KAZN: variants seen among roughly 807,000 people sequenced by gnomAD.
KAZN encodes kazrin.
KAZN carries 40 observed loss-of-function variants against 87.4 expected under a neutral mutation model. That is an observed-to-expected ratio of 0.46 (90% CI 0.36 to 0.60). The LOEUF (loss-of-function observed/expected upper bound fraction) is 0.60, where lower values mean the gene tolerates loss of function less well. KAZN is among the 20% of genes least tolerant of loss of function. The pLI, the probability that KAZN is intolerant of heterozygous loss-of-function variation, is 0.00. For missense variants in KAZN, 898 were observed against 1,073.9 expected (o/e 0.84, Z 2.29); for synonymous variants, 466 against 458.3 (o/e 1.02, Z -0.22).
chr1:15,021,385 G>A lies in KAZN; in HGVS notation c.419-13364G>A, dbSNP rs1452713509. 2.0e-5 allele frequency among the ~76,000 whole-genome samples: 3 copies of A among 152,100 alleles called. No individual in the cohort carries two copies. Among genetic ancestry groups the A allele is most frequent in the Non-Finnish European group, 2.9e-5 (2 of 68,002 alleles). ...TCAACCTAGGGAATGTCCGTGTTCC[G>A]GGCCCATTCCCTGCCACTATTTTTA... is the stretch of plus-strand genomic sequence containing the variant. On this transcript the variant is annotated intron_variant, in intron 2 of 14. Transcript: ENST00000376030. This position sits in a 1 kb window ranked among gnomAD's most constrained non-coding sequence, Gnocchi z 4.2.
chr1:13,967,321 A>C (rs1314523926), intron 1 of KAZN, among the ~76,000 whole-genome samples: 1 of 152,156 alleles, frequency 6.6e-6, no homozygotes, highest in Non-Finnish European at 1.5e-5. Flanking sequence ...CCTGCAAGGA[A>C]TGCAAGTCTT....
intron 1 of KAZN, among the ~76,000 whole-genome samples, chr1:14,713,943 G>A (rs1486662434): frequency 3.3e-5 from 5 of 152,020 alleles, no homozygotes; most frequent in East Asian, 1.9e-4. Flanking sequence ...GCAACAGAGC[G>A]AGATCCTGTC....
intron 2 of KAZN, among the ~76,000 whole-genome samples, chr1:14,306,818 C>T (rs1480074673): frequency 2.0e-5 from 3 of 152,190 alleles, no homozygotes; most frequent in Non-Finnish European, 4.4e-5. Flanking sequence ...AGTTCCTGGG[C>T]TCTACCTACA....
At chr1:14,066,389 C>T (rs1356621029) in intron 1 of KAZN, among the ~76,000 whole-genome samples, 3 of 152,164 alleles carry the variant, frequency 2.0e-5, no homozygotes. Flanking sequence ...TTTGAGAAAT[C>T]TCCACACCAT....
At position 14,151,252 on chromosome 1, in the gene KAZN, G is replaced by C. The variant is rs192737659; in HGVS notation, c.92-29183G>C. Among the ~76,000 whole-genome samples, 10 of 152,138 alleles carry C rather than the reference G, an allele frequency of 6.6e-5. No individual in the cohort carries two copies. In the East Asian group the frequency reaches 1.9e-3, roughly 29 times the overall value. On this transcript the variant is annotated intron_variant, in intron 1 of 16. Transcript: ENST00000636203. ...GTGACCAATGTAACATAATTTTGAT[G>C]GTCTCAACTGTACTGTTAAAAAGAC...
intron 2 of KAZN, among the ~76,000 whole-genome samples, chr1:14,452,174 A>G (rs932087076): frequency 2.0e-5 from 3 of 152,224 alleles, no homozygotes; most frequent in African/African-American, 7.2e-5. Context: ...TCCTGACCTC[A>G]GGTGATCTGC....
chr1:15,043,513 A>G (rs1156408562), intron 3 of KAZN, among the ~76,000 whole-genome samples: 1 of 152,014 alleles, frequency 6.6e-6, no homozygotes, highest in Non-Finnish European at 1.5e-5. Flanking sequence ...ATGAGTGTCT[A>G]CTGGGTTCGT....
chr1:14,628,548 C>T (rs1362869802), intron 1 of KAZN, among the ~76,000 whole-genome samples: 1 of 152,168 alleles, frequency 6.6e-6, no homozygotes, highest in Non-Finnish European at 1.5e-5. Context: ...TTTATTGTCC[C>T]AAGTAAAAGC....
At chr1:13,935,053 A>C (rs1640668856) in intron 1 of KAZN, among the ~76,000 whole-genome samples, 1 of 152,016 alleles carries the variant, frequency 6.6e-6, no homozygotes. Flanking sequence ...CCTGGTCAAC[A>C]TGGTGAAACC....
At chr1:14,801,258 C>T (rs896733874) in intron 1 of KAZN, among the ~76,000 whole-genome samples, 7 of 152,074 alleles carry the variant, frequency 4.6e-5, no homozygotes, top group African/African-American at 1.7e-4. Flanking sequence ...TCAGCAAGCT[C>T]CTCGGGGAAA....
chr1:13,954,185 C>T (rs1400385508), intron 1 of KAZN, among the ~76,000 whole-genome samples: 1 of 152,194 alleles, frequency 6.6e-6, no homozygotes, highest in Non-Finnish European at 1.5e-5. Flanking sequence ...GCCTGGGCAA[C>T]AGAATGAGAC....
At chr1:14,730,345 G>T (rs1421246535) in intron 1 of KAZN, among the ~76,000 whole-genome samples, 1 of 152,180 alleles carries the variant, frequency 6.6e-6, no homozygotes, top group Non-Finnish European at 1.5e-5. Context: ...GCTTCCCAAA[G>T]TGCTGGGATT....
intron 1 of KAZN, among the ~76,000 whole-genome samples, chr1:14,611,744 A>ATAT (rs1677837460): frequency 6.6e-6 from 1 of 152,048 alleles, no homozygotes; most frequent in South Asian, 2.1e-4. Flanking sequence ...ATAGTTATTC[A>ATAT]TATAGGCATA....
intron 1 of KAZN, among the ~76,000 whole-genome samples, chr1:14,782,525 G>A (rs1333137637): frequency 7.4e-6 from 1 of 135,680 alleles, no homozygotes; most frequent in African/African-American, 2.9e-5. Context: ...TCCAGTCTGG[G>A]CAACAGGGCA....
intron 2 of KAZN, among the ~76,000 whole-genome samples, chr1:15,030,972 C>A (rs567103880): frequency 6.6e-6 from 1 of 152,380 alleles, no homozygotes; most frequent in Admixed American, 6.5e-5. Flanking sequence ...ACCTGGGGAG[C>A]TTATGTTGGA....
chr1:14,426,462 C>A (rs1296087174), intron 2 of KAZN, among the ~76,000 whole-genome samples: 1 of 152,222 alleles, frequency 6.6e-6, no homozygotes, highest in African/African-American at 2.4e-5. Flanking sequence ...TATGCCCAGA[C>A]TCTAGAACAC....
At chr1:14,867,689 C>T (rs1023360634) in intron 1 of KAZN, among the ~76,000 whole-genome samples, 3 of 151,122 alleles carry the variant, frequency 2.0e-5, no homozygotes, top group African/African-American at 7.3e-5. Flanking sequence ...AGGACTGTGA[C>T]TTCTGTCTCT....
At chr1:14,148,841 G>A (rs61777762) in intron 1 of KAZN, among the ~76,000 whole-genome samples, 3,815 of 152,284 alleles carry the variant, frequency 0.025, 88 homozygotes, top group Non-Finnish European at 0.038. Context: ...GTCAACATCC[G>A]TATCAGCTGT....
chr1:14,150,488 C>T (rs953647197), intron 1 of KAZN, among the ~76,000 whole-genome samples: 3 of 152,178 alleles, frequency 2.0e-5, no homozygotes, highest in Admixed American at 6.5e-5. Context: ...CTTCATTGTG[C>T]CATCGAAATC....
Sources: gnomAD v4.1 joint callset for allele counts (sites outside exome capture counted in the v4.1 genomes callset) on GRCh38, gnomAD v4.1.1 for gene constraint, Gnocchi (gnomAD v3.1) non-coding constraint, MANE v1.5 for transcripts, NCBI Gene and HGNC (gene_info 2026-07-23, HGNC 2026-07-21) for gene names.